Variants in ANO10 observed in about 807,000 individuals in gnomAD.
The protein encoded by ANO10 is anoctamin 10, also known as anoctamin-10.
In ANO10, 77 loss-of-function variants were observed where a neutral mutation model predicts 74.7. That is an observed-to-expected ratio of 1.03 (90% CI 0.86 to 1.25). ANO10 has a LOEUF of 1.25. Among genes scored for constraint, ANO10 ranks in the 50% most tolerant of loss-of-function variants. ANO10 has a pLI of 0.00. For missense variants in ANO10, 721 were observed against 778.1 expected (o/e 0.93, Z 0.87); for synonymous variants, 279 against 284.9 (o/e 0.98, Z 0.21).
chr3:43,445,856 T>C lies in ANO10; in HGVS notation c.1798-13129A>G, dbSNP rs59937177. 4.7e-3 allele frequency among the ~76,000 whole-genome samples: 720 copies of C among 152,146 alleles called. 6 individuals carry two copies. The highest frequency in any genetic ancestry group is 0.016 in the African/African-American group (678 of 41,516). On this transcript the variant is annotated intron_variant, in intron 11 of 12. Coordinates refer to ENST00000292246, the MANE Select transcript of ANO10 (RefSeq NM_018075.5). ...CTGGGACTACAGGTGTGCACCACCATACCCAGCTAATATTTGTATTTTTTG... is the reference window on the plus strand; with the variant it reads ...CTGGGACTACAGGTGTGCACCACCACACCCAGCTAATATTTGTATTTTTTG...
intron 1 of ANO10, among the ~76,000 whole-genome samples, chr3:43,659,436 A>T (rs972317125): frequency 6.6e-6 from 1 of 152,110 alleles, no homozygotes; most frequent in Admixed American, 6.5e-5. Context: ...TCCCACGCCC[A>T]CGGAGCCTTG....
At chr3:43,473,361 C>T (rs1429730747) in intron 11 of ANO10, among the ~76,000 whole-genome samples, 2 of 152,152 alleles carry the variant, frequency 1.3e-5, no homozygotes, top group East Asian at 3.9e-4. Context: ...CCACGTTCTT[C>T]CTCACTGCTA....
chr3:43,545,514 C>T (rs945967751), intron 11 of ANO10, among the ~76,000 whole-genome samples: 1 of 152,084 alleles, frequency 6.6e-6, no homozygotes, highest in Non-Finnish European at 1.5e-5. Flanking sequence ...TACAGGCACG[C>T]ACCACCATGC....
intron 11 of ANO10, among the ~76,000 whole-genome samples, chr3:43,442,129 C>T (rs2093169305): frequency 6.6e-6 from 1 of 151,932 alleles, no homozygotes; most frequent in Non-Finnish European, 1.5e-5. Context: ...TTCCTGTCAA[C>T]AAAGTACTGG....
intron 1 of ANO10, among the ~76,000 whole-genome samples, chr3:43,684,894 A>C (rs1003861149): frequency 2.0e-5 from 3 of 152,150 alleles, no homozygotes; most frequent in African/African-American, 7.2e-5. Context: ...GAACACATGG[A>C]TGCAGGAAGG....
At chr3:43,683,653 G>A (rs1223235587) in intron 1 of ANO10, among the ~76,000 whole-genome samples, 1 of 152,186 alleles carries the variant, frequency 6.6e-6, no homozygotes, top group Non-Finnish European at 1.5e-5. Context: ...CAAAGCTGGA[G>A]GCATCATGCT....
intron 7 of ANO10, among the ~76,000 whole-genome samples, chr3:43,570,821 A>G (rs2080667375): frequency 7.0e-6 from 1 of 142,594 alleles, no homozygotes; most frequent in African/African-American, 2.7e-5. Flanking sequence ...AACAAAAGAC[A>G]AAATTGACAA....
At chr3:43,369,866 T>C (rs183500535) in intron 12 of ANO10, among the ~76,000 whole-genome samples, 19 of 152,346 alleles carry the variant, frequency 1.2e-4, no homozygotes, top group African/African-American at 4.6e-4. Context: ...TAAGTTGTCA[T>C]GAAATCAGTG....
chr3:43,580,179 G>C (rs1402464937), intron 5 of ANO10, among the ~76,000 whole-genome samples, 174 bp downstream of exon 5: 2 of 150,624 alleles, frequency 1.3e-5, no homozygotes, highest in Non-Finnish European at 3.0e-5. Flanking sequence ...AAAGAAAAAA[G>C]GGGTCATCTA....
chr3:43,597,990 T>C (rs1169782272), intron 4 of ANO10, among the ~76,000 whole-genome samples: 2 of 152,080 alleles, frequency 1.3e-5, no homozygotes, highest in African/African-American at 2.4e-5. Flanking sequence ...GTTTAAAGTG[T>C]CTTTTAGGCA....
intron 1 of ANO10, among the ~76,000 whole-genome samples, chr3:43,633,421 T>C (rs1191984895): frequency 6.6e-6 from 1 of 152,168 alleles, no homozygotes; most frequent in Non-Finnish European, 1.5e-5. Context: ...AAGACACTAT[T>C]TGGCTCACAG....
At chr3:43,549,871 T>G in intron 10 of ANO10, 23 bp from the exon 11 acceptor site, 1 of 1,613,006 alleles carries the variant, frequency 6.2e-7, no homozygotes. Context: ...AGAATGGAAA[T>G]TAAAAATTGC....
At chr3:43,580,082 C>T (rs536584500) in intron 5 of ANO10, among the ~76,000 whole-genome samples, 12 of 149,426 alleles carry the variant, frequency 8.0e-5, no homozygotes, top group Non-Finnish European at 1.5e-4. Flanking sequence ...AAGGTCAAGG[C>T]TGCAGTAAGC....
chr3:43,399,451 GTGTC>G (rs1428372049), intron 12 of ANO10, among the ~76,000 whole-genome samples: 5 of 151,966 alleles, frequency 3.3e-5, no homozygotes, highest in African/African-American at 9.7e-5. Flanking sequence ...TTTCATTATG[GTGTC>G]TGTCTGTCTC....
At chr3:43,456,985 T>C (rs376320367) in intron 11 of ANO10, among the ~76,000 whole-genome samples, 1 of 152,330 alleles carries the variant, frequency 6.6e-6, no homozygotes, top group East Asian at 1.9e-4. Flanking sequence ...ACATTACCAT[T>C]CTATAAACTT....
At chr3:43,562,085 T>C (rs748876499) in intron 8 of ANO10, among the ~76,000 whole-genome samples, 1 of 152,144 alleles carries the variant, frequency 6.6e-6, no homozygotes, top group Non-Finnish European at 1.5e-5. Flanking sequence ...AGAATGTATA[T>C]TGAGGCAGGG....
chr3:43,497,420 G>A (rs1023422633), intron 11 of ANO10, among the ~76,000 whole-genome samples: 1 of 152,098 alleles, frequency 6.6e-6, no homozygotes, highest in Non-Finnish European at 1.5e-5. Flanking sequence ...TCTTTCTTTG[G>A]GAGAACTGTC....
At chr3:43,476,812 C>T (rs1293089208) in intron 11 of ANO10, among the ~76,000 whole-genome samples, 1 of 152,034 alleles carries the variant, frequency 6.6e-6, no homozygotes, top group Non-Finnish European at 1.5e-5. Flanking sequence ...AGACTATCCC[C>T]GAATTCATGC....
At chr3:43,407,883 G>A (rs1229478957) in intron 12 of ANO10, among the ~76,000 whole-genome samples, 2 of 152,240 alleles carry the variant, frequency 1.3e-5, no homozygotes, top group Non-Finnish European at 2.9e-5. Flanking sequence ...GGGCTTTGCA[G>A]GGGGATGAGG....
Sources: allele counts gnomAD v4.1 joint callset (sites outside exome capture counted in the v4.1 genomes callset), GRCh38; gene constraint gnomAD v4.1.1; transcripts MANE v1.5; gene names NCBI Gene and HGNC (gene_info 2026-07-23, HGNC 2026-07-21).